The following CDIP1 variants were observed in gnomAD, a reference collection of about 807,000 sequenced individuals.
The protein encoded by CDIP1 is cell death-inducing p53-target protein 1.
A neutral mutation model predicts 17.7 loss-of-function variants in CDIP1; 9 were observed. The observed-to-expected ratio is 0.51, with a 90% CI of 0.31 to 0.89. The LOEUF (loss-of-function observed/expected upper bound fraction) is 0.89. Ranked by LOEUF, CDIP1 falls within the 40% of genes least tolerant of loss-of-function variation. The probability of loss-of-function intolerance (pLI) is 0.05; values close to 1 mark genes in which losing one functional copy is unlikely to be tolerated. For missense variants in CDIP1, 263 were observed against 277.9 expected, an observed-to-expected ratio of 0.95 and a Z score of 0.38; for synonymous variants, 117 against 109.5, an observed-to-expected ratio of 1.07 and a Z score of -0.43.
chr16:4,529,276 C>A (rs1033428661), intron 1 of CDIP1, among the ~76,000 whole-genome samples: 5 of 152,196 alleles, frequency 3.3e-5, no homozygotes, highest in African/African-American at 1.2e-4. Flanking sequence ...GCCTAGGAGA[C>A]CCCGCCAGGA....
intron 1 of CDIP1, among the ~76,000 whole-genome samples, chr16:4,517,534 G>A (rs1327185448): frequency 5.3e-5 from 8 of 152,088 alleles, no homozygotes. Context: ...GAGGCCAGGG[G>A]TTCGAAACCA....
intron 1 of CDIP1, chr16:4,536,434 G>A: frequency 6.6e-6 from 1 of 152,204 alleles, no homozygotes; most frequent in South Asian, 2.1e-4. Flanking sequence ...ACCTGGACAA[G>A]CTTACAGTGT....
At chr16:4,517,070 C>T (rs978095651) in intron 1 of CDIP1, among the ~76,000 whole-genome samples, 2 of 152,164 alleles carry the variant, frequency 1.3e-5, no homozygotes, top group East Asian at 1.9e-4. Context: ...TCATGAAATA[C>T]AAGAGAACAC....
At chr16:4,518,343 C>A (rs1405801980) in intron 1 of CDIP1, among the ~76,000 whole-genome samples, 3 of 152,226 alleles carry the variant, frequency 2.0e-5, no homozygotes, top group Admixed American at 6.5e-5. Flanking sequence ...CAGGGCATAG[C>A]CCTCCTTTGG....
chr16:4,533,646 T>C (rs2059077175), intron 1 of CDIP1: 1 of 152,118 alleles, frequency 6.6e-6, no homozygotes, highest in Non-Finnish European at 1.5e-5. Context: ...ACTTGGACCA[T>C]ATCCCAGATC....
chr16:4,524,569 G>A (rs988373854), intron 1 of CDIP1, among the ~76,000 whole-genome samples: 6 of 152,282 alleles, frequency 3.9e-5, no homozygotes, highest in African/African-American at 9.6e-5. Context: ...CCGGAGCCAG[G>A]CCCTTCATCT....
intron 1 of CDIP1, among the ~76,000 whole-genome samples, chr16:4,520,423 G>A (rs1323168749): frequency 6.6e-6 from 1 of 152,128 alleles, no homozygotes; most frequent in African/African-American, 2.4e-5. Context: ...AGTTTCTTAA[G>A]GGTTAGTTGC....
At chr16:4,515,205 G>T (rs1374135081) in intron 1 of CDIP1, 1 of 152,208 alleles carries the variant, frequency 6.6e-6, no homozygotes, top group Non-Finnish European at 1.5e-5. Context: ...ACAGGGAAAG[G>T]AGTGTTTCCC....
chr16:4,526,525 C>T (rs1019471213), intron 1 of CDIP1, among the ~76,000 whole-genome samples: 1 of 151,856 alleles, frequency 6.6e-6, no homozygotes, highest in Non-Finnish European at 1.5e-5. Flanking sequence ...TGGTGAAAAC[C>T]TGTCTCTACT....
Position 4,512,527 on chromosome 16 carries a change from AG to A in CDIP1, c.*44del, listed in dbSNP as rs758121570. On this transcript the variant is annotated 3_prime_UTR_variant, in exon 6 of 6. Transcript: ENST00000567695. The surrounding 1 kb of genome is among the most constrained non-coding windows in gnomAD (Gnocchi z 4.6). ...CCACTGAGCACAGGGAGCAAAGCAC[AG>A]GGGGCCAGACTGACAGGCGGGGGAG... is the stretch of plus-strand genomic sequence containing the variant. 6 of 1,404,780 alleles carry A rather than the reference AG, an allele frequency of 4.3e-6. No homozygotes were observed. Among genetic ancestry groups the A allele is most frequent in the Non-Finnish European group, 2.0e-6 (2 of 989,960 alleles). The allele number at this position is 1,404,780 out of a possible 1,614,324, so 87.0% of individuals were successfully genotyped here.
chr16:4,519,745 C>T (rs553726204), intron 1 of CDIP1, among the ~76,000 whole-genome samples: 30 of 152,124 alleles, frequency 2.0e-4, no homozygotes, highest in Middle Eastern at 3.4e-3. Flanking sequence ...TGTTAGTCCC[C>T]GCATCCTTGC....
In CDIP1 at chr16:4,512,723, C is replaced by T. The variant is rs765419409; in HGVS notation, c.516-40G>A. 63 of 1,606,764 alleles carry T rather than the reference C, an allele frequency of 3.9e-5. No homozygotes were observed. The highest frequency in any genetic ancestry group is 2.6e-4 in the South Asian group (24 of 90,720). ...GGGAAGAACAGGCTGAGGCCTGCTG[C>T]GGAGGAGGCAGAGGCAGCCAGTTGA... is the stretch of plus-strand genomic sequence containing the variant. On this transcript the variant is annotated intron_variant, in intron 5 of 5. Transcript: ENST00000567695. The surrounding 1 kb of genome is among the most constrained non-coding windows in gnomAD (Gnocchi z 4.6).
intron 1 of CDIP1, among the ~76,000 whole-genome samples, chr16:4,534,509 T>C (rs1449321386): frequency 1.3e-5 from 2 of 152,194 alleles, no homozygotes; most frequent in Non-Finnish European, 1.5e-5. Context: ...TTCTCTGCCA[T>C]TACTTGGCAA....
At position 4,518,093 on chromosome 16, in the gene CDIP1, G is replaced by A. The variant is rs372404615; in HGVS notation, c.-104-3429C>T. Reference sequence around the variant, plus strand: ...TCTGAGCAGACCAGGAAAATAAGCTGCACTGTGCTTGGTGAGTCACTGAAG... The same window carrying A: ...TCTGAGCAGACCAGGAAAATAAGCTACACTGTGCTTGGTGAGTCACTGAAG... On this transcript the variant is annotated intron_variant, in intron 1 of 5. Transcript: ENST00000567695. 8.5e-5 allele frequency among the ~76,000 whole-genome samples: 13 copies of A among 152,286 alleles called. No individual in the cohort carries two copies. In the East Asian group the frequency reaches 2.5e-3, roughly 29 times the overall value.
intron 1 of CDIP1, among the ~76,000 whole-genome samples, chr16:4,530,172 C>T (rs532875314): frequency 1.1e-4 from 17 of 152,330 alleles, no homozygotes; most frequent in African/African-American, 4.1e-4. Flanking sequence ...GAAGAAAGCG[C>T]TCTAGGAACT....
chr16:4,513,645 G>A lies in CDIP1; in HGVS notation c.241+51C>T. The A allele has an allele frequency of 6.4e-7, 1 of 1,550,740 alleles. No homozygotes were observed. Among genetic ancestry groups the A allele is most frequent in the South Asian group, 1.2e-5 (1 of 86,838 alleles). ...TACTGAGGACAGCCAGCGCAGGCCA[G>A]ACAGCAGCCAGGAGTTCCCCATGCT... is the stretch of plus-strand genomic sequence containing the variant. On this transcript the variant is annotated intron_variant, in intron 4 of 5. Transcript: ENST00000567695. This position sits in a 1 kb window ranked among gnomAD's most constrained non-coding sequence, Gnocchi z 4.1.
At chr16:4,530,866 A>C (rs2059049369) in intron 1 of CDIP1, among the ~76,000 whole-genome samples, 1 of 152,024 alleles carries the variant, frequency 6.6e-6, no homozygotes, top group African/African-American at 2.4e-5. Context: ...AGTATATAGA[A>C]GTTTATTAGG....
chr16:4,512,858 T>G lies in CDIP1; in HGVS notation c.448A>C (p.Thr150Pro). 6.4e-7 allele frequency: 1 copy of G among 1,562,470 alleles called. No individual in the cohort carries two copies. Among genetic ancestry groups the G allele is most frequent in the Non-Finnish European group, 8.7e-7 (1 of 1,152,800 alleles). ...CCAATCTCGTAGGAGATCTTGGTGG[T>G]GATGGCCTGCTGGCAGTGGGGACAC... ...TVCPHCQQAI[T>P]TKISYEIGLM... Residue 150 changes from threonine to proline, a missense_variant, in exon 5 of 6, where the codon ACC (threonine) becomes CCC (proline). Physicochemically the swap from Thr to Pro is conservative, Grantham distance 38. Transcript: ENST00000567695. This position sits in a 1 kb window ranked among gnomAD's most constrained non-coding sequence, Gnocchi z 4.6.
At chr16:4,524,561 G>A (rs1033471629) in intron 1 of CDIP1, among the ~76,000 whole-genome samples, 4 of 152,032 alleles carry the variant, frequency 2.6e-5, no homozygotes, top group African/African-American at 7.2e-5. Flanking sequence ...GACTCAGCCC[G>A]GAGCCAGGCC....
Sources: allele counts gnomAD v4.1 joint callset (sites outside exome capture counted in the v4.1 genomes callset), GRCh38; gene constraint gnomAD v4.1.1; non-coding constraint Gnocchi (gnomAD v3.1); transcripts MANE v1.5; gene names NCBI Gene and HGNC (gene_info 2026-07-23, HGNC 2026-07-21).